The following CREB3L1 variants were observed in gnomAD, a reference collection of about 807,000 sequenced individuals.
CREB3L1 encodes cAMP responsive element binding protein 3 like 1, also known as cyclic AMP-responsive element-binding protein 3-like protein 1.
CREB3L1 carries 33 observed loss-of-function variants against 54.5 expected under a neutral mutation model. The observed-to-expected ratio is 0.61, with a 90% CI of 0.46 to 0.81. The LOEUF is 0.81. Ranked by LOEUF, CREB3L1 falls within the 30% of genes least tolerant of loss-of-function variation. The probability of loss-of-function intolerance (pLI) is 0.00; values close to 1 mark genes in which losing one functional copy is unlikely to be tolerated. For missense variants in CREB3L1, 656 were observed against 673.3 expected, an observed-to-expected ratio of 0.97 and a Z score of 0.29; for synonymous variants, 284 against 286.4, an observed-to-expected ratio of 0.99 and a Z score of 0.08.
Position 46,309,976 on chromosome 11 carries a change from G to C in CREB3L1, c.517-13G>C. On this transcript the variant is annotated splice_polypyrimidine_tract_variant and intron_variant, in intron 3 of 11. Coordinates refer to ENST00000621158, the MANE Select transcript of CREB3L1 (RefSeq NM_052854.4). ...AGGGGCAGCTAATGGAGCTGGGCTT[G>C]TCTGTTCCTCAGGCCCCGGGAGAGA... 6.3e-7 allele frequency: 1 copy of C among 1,591,092 alleles called. No homozygotes were observed. The highest frequency in any genetic ancestry group is 8.6e-7 in the Non-Finnish European group (1 of 1,169,064).
intron 1 of CREB3L1, among the ~76,000 whole-genome samples, chr11:46,280,380 C>T (rs918482257): frequency 1.3e-5 from 2 of 151,668 alleles, no homozygotes; most frequent in Non-Finnish European, 2.9e-5. Flanking sequence ...TTAGTAGAGA[C>T]GGGGTTTCAC....
In CREB3L1 at chr11:46,316,353, A is replaced by T; in HGVS notation, c.1099A>T (p.Met367Leu). 2 of 1,573,510 alleles carry T rather than the reference A, an allele frequency of 1.3e-6. No homozygotes were observed. The highest frequency in any genetic ancestry group is 1.7e-6 in the Non-Finnish European group (2 of 1,159,654). Residue 367 changes from methionine to leucine, a missense_variant, in exon 9 of 12, where the codon ATG becomes TTG. Met to Leu is a conservative substitution (Grantham distance 15, BLOSUM62 2). Around this residue, in one of 3 missense-constraint regions of CREB3L1, gnomAD observed 240 missense variants for 219.8 expected, o/e 1.09. Coordinates refer to ENST00000621158, the MANE Select transcript of CREB3L1 (RefSeq NM_052854.4). The part of the protein sequence containing the change: ...VTNKISRPYK[M>L]AATQTGTCLM... ...CAACAAGATCTCCAGACCTTACAAG[A>T]TGGCCGCCACCCAGACTGGGACCTG...
At chr11:46,280,661 G>T (rs112675900) in intron 1 of CREB3L1, among the ~76,000 whole-genome samples, 2 of 152,178 alleles carry the variant, frequency 1.3e-5, no homozygotes, top group African/African-American at 4.8e-5. Flanking sequence ...CTGGATGGGC[G>T]TGATAGTGAG....
chr11:46,307,637 G>A (rs1285670481), intron 2 of CREB3L1, among the ~76,000 whole-genome samples, 179 bp from the exon 3 acceptor site: 1 of 152,132 alleles, frequency 6.6e-6, no homozygotes, highest in Non-Finnish European at 1.5e-5. Flanking sequence ...TGAAGAGGAT[G>A]TCCTCACCTC....
chr11:46,294,930 C>G (rs1939183384), intron 1 of CREB3L1, among the ~76,000 whole-genome samples: 1 of 152,220 alleles, frequency 6.6e-6, no homozygotes, highest in South Asian at 2.1e-4. Context: ...CCATCTCTCC[C>G]TAGCTCTCAC....
At chr11:46,317,276 T>C in intron 9 of CREB3L1, 85 bp from the exon 10 acceptor site, 1 of 1,550,190 alleles carries the variant, frequency 6.5e-7, no homozygotes, top group South Asian at 1.1e-5. Flanking sequence ...TTTGTGCCTG[T>C]TGGTTTGGGA....
At chr11:46,293,276 C>T (rs1423214898) in intron 1 of CREB3L1, among the ~76,000 whole-genome samples, 3 of 152,190 alleles carry the variant, frequency 2.0e-5, no homozygotes, top group East Asian at 3.9e-4. Flanking sequence ...GCTGTGCCCT[C>T]GGAGGTGCCA....
chr11:46,307,183 A>G (rs1939409928), intron 2 of CREB3L1, among the ~76,000 whole-genome samples: 1 of 152,112 alleles, frequency 6.6e-6, no homozygotes, highest in African/African-American at 2.4e-5. Flanking sequence ...TGGCCGCTCA[A>G]GTGATTCTCC....
chr11:46,302,125 G>A (rs971587131), intron 2 of CREB3L1, among the ~76,000 whole-genome samples: 7 of 150,300 alleles, frequency 4.7e-5, no homozygotes, highest in South Asian at 2.1e-4. Flanking sequence ...CTGAGATTGC[G>A]TCACTGCATT....
rs553655706 is a variant in CREB3L1 at position 46,288,825 on chromosome 11, T to G, written c.102+10612T>G. Among the ~76,000 whole-genome samples, 3 of 152,312 alleles carry G rather than the reference T, an allele frequency of 2.0e-5. No individual in the cohort carries two copies. In the South Asian group the frequency reaches 6.2e-4, roughly 32 times the overall value. On this transcript the variant is annotated intron_variant, in intron 1 of 11. Coordinates refer to ENST00000621158, the MANE Select transcript of CREB3L1 (RefSeq NM_052854.4). ...GAGCGTGGGTTCTGCAATCAGAGCT[T>G]GGGTTCAAATCCCCGCTTGACCACT...
At chr11:46,279,314 T>A (rs527403872) in intron 1 of CREB3L1, among the ~76,000 whole-genome samples, 1 of 151,958 alleles carries the variant, frequency 6.6e-6, no homozygotes, top group South Asian at 2.1e-4. Context: ...ACCTAAACTG[T>A]CCCAGGCCAC....
At chr11:46,320,071 A>G (rs1052171182) in intron 10 of CREB3L1, among the ~76,000 whole-genome samples, 193 bp from the exon 11 acceptor site, 3 of 152,068 alleles carry the variant, frequency 2.0e-5, no homozygotes, top group Admixed American at 1.3e-4. Flanking sequence ...TAGTATCCCT[A>G]TTTTACAGAA....
chr11:46,295,867 C>T lies in CREB3L1; in HGVS notation c.103-4068C>T, dbSNP rs1387757234. On this transcript the variant is annotated intron_variant, in intron 1 of 11. Transcript: ENST00000621158. The surrounding 1 kb of genome is among the most constrained non-coding windows in gnomAD (Gnocchi z 4.6). ...CCGAGAAGAGGGGTACGCAGGTCTG[C>T]AAGCAGGAGAGCTCGGGAACCTCTC... Among the ~76,000 whole-genome samples, 2 of 152,228 alleles carry T rather than the reference C, an allele frequency of 1.3e-5. No individual in the cohort carries two copies. Among genetic ancestry groups the T allele is most frequent in the African/African-American group, 4.8e-5 (2 of 41,464 alleles).
At position 46,300,153 on chromosome 11, in the gene CREB3L1, C is replaced by T; in HGVS notation, c.321C>T (p.Asp107=). 1 of 1,611,832 alleles carries T rather than the reference C, an allele frequency of 6.2e-7. No homozygotes were observed. The highest frequency in any genetic ancestry group is 8.5e-7 in the Non-Finnish European group (1 of 1,178,796). ...QSPLVPIKME[D]TTQDAEHGAW... is the part of the protein sequence containing the mutation. ...CCCTTGTGCCCATCAAGATGGAGGA[C>T]ACCACCCAAGGTAAGAGGTGGAAGA... The change falls in exon 2 of 12, where the codon GAC becomes GAT. Residue 107 remains aspartate (D), a synonymous_variant. Transcript: ENST00000621158.
rs905215347 is a variant in CREB3L1 at position 46,296,473 on chromosome 11, G to T, written c.103-3462G>T. On this transcript the variant is annotated intron_variant, in intron 1 of 11. Transcript: ENST00000621158. ...AGTTTTCTCTACTAAGAAATAGGAGGGGGGGAACGAGGGGCAGGGGACCGT... is the reference window on the plus strand; with the variant it reads ...AGTTTTCTCTACTAAGAAATAGGAGTGGGGGAACGAGGGGCAGGGGACCGT... Among the ~76,000 whole-genome samples the T allele has an allele frequency of 3.3e-5, 5 of 152,062 alleles. No individual in the cohort carries two copies. In the South Asian group the frequency reaches 8.3e-4, roughly 25 times the overall value.
At chr11:46,313,203 T>C (rs1045882118) in intron 8 of CREB3L1, among the ~76,000 whole-genome samples, 2 of 152,160 alleles carry the variant, frequency 1.3e-5, no homozygotes, top group African/African-American at 4.8e-5. Flanking sequence ...TTATTAGAAA[T>C]GCTTATTCTC....
chr11:46,290,637 C>T (rs1184547733), intron 1 of CREB3L1, among the ~76,000 whole-genome samples: 1 of 151,920 alleles, frequency 6.6e-6, no homozygotes, highest in African/African-American at 2.4e-5. Context: ...GGGCTCCTGC[C>T]TCTGACAATC....
intron 1 of CREB3L1, among the ~76,000 whole-genome samples, chr11:46,280,277 T>TC: frequency 6.7e-6 from 1 of 149,452 alleles, no homozygotes; most frequent in East Asian, 2.0e-4. Context: ...AAGCTCCGCC[T>TC]CCCGGGTTCA....
intron 1 of CREB3L1, among the ~76,000 whole-genome samples, chr11:46,287,121 C>T (rs1175811425): frequency 2.0e-5 from 3 of 152,214 alleles, no homozygotes; most frequent in African/African-American, 7.2e-5. Flanking sequence ...CACTTGTCAC[C>T]TGTGTGAGCT....
Sources: allele counts gnomAD v4.1 joint callset (sites outside exome capture counted in the v4.1 genomes callset), GRCh38; gene constraint gnomAD v4.1.1; regional missense constraint gnomAD v4.1.1; non-coding constraint Gnocchi (gnomAD v3.1); transcripts MANE v1.5; gene names NCBI Gene and HGNC (gene_info 2026-07-23, HGNC 2026-07-21).